CSMD1: variants seen among roughly 807,000 people sequenced by gnomAD.
CSMD1 encodes the protein CUB and Sushi multiple domains 1, also known as CUB and sushi domain-containing protein 1.
In CSMD1, 213 loss-of-function variants were observed where a neutral mutation model predicts 417.5. The observed-to-expected ratio is 0.51, with a 90% CI of 0.46 to 0.57. The LOEUF is 0.57. CSMD1 is among the 20% of genes least tolerant of loss of function. The probability of loss-of-function intolerance (pLI) is 0.00; values close to 1 mark genes in which losing one functional copy is unlikely to be tolerated. For missense variants in CSMD1, 6,923 were observed against 4,529.7 expected (o/e 1.53, Z -15.17); for synonymous variants, 2,862 against 1,736.8 (o/e 1.65, Z -16.11).
chr8:3,873,000 G>A (rs1805583769), intron 5 of CSMD1, among the ~76,000 whole-genome samples: 1 of 151,946 alleles, frequency 6.6e-6, no homozygotes, highest in East Asian at 1.9e-4. Context: ...AAACCACAGT[G>A]AGATACCATC....
In CSMD1 at chr8:3,402,196, GA is replaced by G. The variant is rs1333682582; in HGVS notation, c.2267-2668del. Among the ~76,000 whole-genome samples the G allele has an allele frequency of 5.6e-4, 85 of 152,200 alleles. 2 individuals are homozygous for G. Among genetic ancestry groups the G allele is most frequent in the African/African-American group, 2.0e-3 (83 of 41,534 alleles). ...CACAACACTAAGGTTCTCTAGACTT[GA>G]AAGAGAACTCACTCACACCCCTGTA... On this transcript the variant is annotated intron_variant, in intron 15 of 69. Coordinates refer to ENST00000635120, the MANE Select transcript of CSMD1 (RefSeq NM_033225.6).
intron 5 of CSMD1, among the ~76,000 whole-genome samples, chr8:3,832,691 G>A (rs1185624918): frequency 6.6e-6 from 1 of 152,138 alleles, no homozygotes; most frequent in African/African-American, 2.4e-5. Flanking sequence ...ATAGATTCAT[G>A]ACTGTATTTC....
At chr8:4,164,812 C>A (rs1225718760) in intron 3 of CSMD1, among the ~76,000 whole-genome samples, 3 of 151,662 alleles carry the variant, frequency 2.0e-5, no homozygotes, top group African/African-American at 7.3e-5. Flanking sequence ...AGAGGTGGAG[C>A]TTGCAGTGAG....
intron 1 of CSMD1, among the ~76,000 whole-genome samples, chr8:4,858,019 C>T (rs950536913): frequency 3.9e-5 from 6 of 152,122 alleles, no homozygotes; most frequent in East Asian, 1.9e-4. Flanking sequence ...TCCTCAGTAA[C>T]ATACTGGCAA....
rs1182141373 is a variant in CSMD1, at chr8:3,725,202, G to C, written c.932-16711C>G. Among the ~76,000 whole-genome samples the C allele has an allele frequency of 3.9e-5, 6 of 152,260 alleles. No individual in the cohort carries two copies. The East Asian group carries it at 1.2e-3, about 30-fold the overall frequency. ...GGCAAGGAGGTAGGTTCAAGGAAAT[G>C]AAAGTGAAAAGAGATTAGTGTTGCT... On this transcript the variant is annotated intron_variant, in intron 6 of 69. Transcript: ENST00000635120.
chr8:3,488,847 T>C lies in CSMD1; in HGVS notation c.1448+4776A>G, dbSNP rs112090526. Among the ~76,000 whole-genome samples, 5 of 152,278 alleles carry C rather than the reference T, an allele frequency of 3.3e-5. 1 individual carries two copies. The highest frequency in any genetic ancestry group is 1.2e-4 in the African/African-American group (5 of 41,564). On this transcript the variant is annotated intron_variant, in intron 11 of 69. Transcript: ENST00000635120. ...ATGTGAAAGATAATATACAGAAAAA[T>C]AATTGGGATCATGTGATTCCAGAGT...
At chr8:4,230,334 A>G (rs746888634) in intron 3 of CSMD1, among the ~76,000 whole-genome samples, 2 of 152,212 alleles carry the variant, frequency 1.3e-5, no homozygotes, top group Admixed American at 6.5e-5. Flanking sequence ...CATCCATTGC[A>G]TAAAGCAAAT....
chr8:4,267,617 T>C (rs1457658419), intron 3 of CSMD1, among the ~76,000 whole-genome samples: 2 of 151,926 alleles, frequency 1.3e-5, no homozygotes, highest in Admixed American at 1.3e-4. Context: ...TGGACATTTA[T>C]ATTAAATATT....
intron 2 of CSMD1, among the ~76,000 whole-genome samples, chr8:4,624,613 C>T (rs149268669): frequency 5.9e-5 from 9 of 152,274 alleles, no homozygotes; most frequent in Non-Finnish European, 1.2e-4. Flanking sequence ...ACATTGGACA[C>T]GCCTCACATT....
At chr8:3,235,749 G>C (rs1163650470) in intron 26 of CSMD1, among the ~76,000 whole-genome samples, 2 of 151,980 alleles carry the variant, frequency 1.3e-5, no homozygotes, top group African/African-American at 4.8e-5. Context: ...ATTTTTGAAA[G>C]TACCTTTTGT....
intron 1 of CSMD1, among the ~76,000 whole-genome samples, chr8:4,716,530 C>A (rs1004548881): frequency 3.9e-5 from 6 of 152,070 alleles, no homozygotes; most frequent in Non-Finnish European, 1.5e-5. Context: ...TTACACTTAC[C>A]TACTTTTAAT....
At position 3,074,978 on chromosome 8, in the gene CSMD1, T is replaced by A. The variant is rs551289927; in HGVS notation, c.7474+12119A>T. ...TTGGATGATGGGGCCGGATTTCTCATGAATGGCTTAGCACCTTCCTTTTGG... is the reference window on the plus strand; with the variant it reads ...TTGGATGATGGGGCCGGATTTCTCAAGAATGGCTTAGCACCTTCCTTTTGG... On this transcript the variant is annotated intron_variant, in intron 49 of 69. Coordinates refer to ENST00000635120, the MANE Select transcript of CSMD1 (RefSeq NM_033225.6). 7.9e-5 allele frequency among the ~76,000 whole-genome samples: 12 copies of A among 152,314 alleles called. No individual in the cohort carries two copies. The South Asian group carries it at 2.5e-3, about 32-fold the overall frequency.
At chr8:3,285,080 G>C (rs923728993) in intron 25 of CSMD1, among the ~76,000 whole-genome samples, 1 of 152,074 alleles carries the variant, frequency 6.6e-6, no homozygotes, top group Admixed American at 6.5e-5. Context: ...GGGTTTAGTT[G>C]AAACACCAAC....
In CSMD1 at chr8:3,893,339, TTATATATATA is replaced by T. The variant is rs56848640; in HGVS notation, c.818+104554_818+104563del. Among the ~76,000 whole-genome samples the T allele has an allele frequency of 1.8e-3, 146 of 80,460 alleles. 4 individuals carry two copies. The highest frequency in any genetic ancestry group is 8.7e-3 in the South Asian group (16 of 1,836). The allele number at this position is 80,460 out of a possible 152,430, so 52.8% of individuals were successfully genotyped here. On this transcript the variant is annotated intron_variant, in intron 5 of 69. Coordinates refer to ENST00000635120, the MANE Select transcript of CSMD1 (RefSeq NM_033225.6). Reference sequence around the variant, plus strand: ...TCCCAAACTAATAATATTCACAATTTTATATATATATATATATATATATTATTTTTTTTCT... The same window carrying T: ...TCCCAAACTAATAATATTCACAATTTTATATATATATATTATTTTTTTTCT...
At chr8:3,673,437 G>T (rs532890738) in intron 7 of CSMD1, among the ~76,000 whole-genome samples, 7 of 152,300 alleles carry the variant, frequency 4.6e-5, no homozygotes, top group African/African-American at 1.7e-4. Flanking sequence ...CTTGGTCTCT[G>T]GGTACAATGT....
chr8:4,754,755 A>G (rs1371197590), intron 1 of CSMD1, among the ~76,000 whole-genome samples: 1 of 152,114 alleles, frequency 6.6e-6, no homozygotes, highest in Non-Finnish European at 1.5e-5. Context: ...AGGCTGAGGC[A>G]GGAGATTCGT....
intron 10 of CSMD1, among the ~76,000 whole-genome samples, chr8:3,545,392 A>G (rs1490841117): frequency 6.6e-6 from 1 of 152,258 alleles, no homozygotes; most frequent in Non-Finnish European, 1.5e-5. Context: ...TAAAACATAA[A>G]CAGCCATTGT....
intron 2 of CSMD1, among the ~76,000 whole-genome samples, chr8:4,551,280 C>T (rs1797858875): frequency 6.6e-6 from 1 of 152,192 alleles, no homozygotes; most frequent in African/African-American, 2.4e-5. Flanking sequence ...ATCCAACTGA[C>T]TCAAGGCTGT....
At chr8:3,271,529 G>A (rs1241861810) in intron 26 of CSMD1, among the ~76,000 whole-genome samples, 1 of 148,030 alleles carries the variant, frequency 6.8e-6, no homozygotes, top group Non-Finnish European at 1.5e-5. Flanking sequence ...GGTTGAACTA[G>A]TTTATAGTCC....
Sources: allele counts gnomAD v4.1 joint callset (sites outside exome capture counted in the v4.1 genomes callset), GRCh38; gene constraint gnomAD v4.1.1; transcripts MANE v1.5; gene names NCBI Gene and HGNC (gene_info 2026-07-23, HGNC 2026-07-21).